NTRK3: variants seen among roughly 807,000 people sequenced by gnomAD.
The protein encoded by NTRK3 is neurotrophic receptor tyrosine kinase 3, also known as NT-3 growth factor receptor.
Under a neutral mutation model 91.7 loss-of-function variants are expected in NTRK3, and 24 were observed. That is an observed-to-expected ratio of 0.26 (90% CI 0.19 to 0.37). The LOEUF (loss-of-function observed/expected upper bound fraction) is 0.37. Among genes scored for constraint, NTRK3 ranks in the 10% least tolerant of loss-of-function variants. The probability of loss-of-function intolerance (pLI) is 1.00; values close to 1 mark genes in which losing one functional copy is unlikely to be tolerated. For synonymous variants in NTRK3, 483 were observed against 404.0 expected (o/e 1.20, Z -2.34); for missense variants, 880 against 1,068.9 (o/e 0.82, Z 2.46).
chr15:87,862,602 T>C (rs925985679), exon 19 of NTRK3: 2 of 226,758 alleles, frequency 8.8e-6, no homozygotes, highest in African/African-American at 4.4e-5. Context: ...TAGTTAAGAG[T>C]AGACAATGAT....
intron 14 of NTRK3, among the ~76,000 whole-genome samples, chr15:87,996,417 G>A (rs1268247519): frequency 1.3e-5 from 2 of 152,158 alleles, no homozygotes; most frequent in Non-Finnish European, 2.9e-5. Context: ...AGAACCAAGA[G>A]GATGGATGCC....
exon 19 of NTRK3, chr15:87,860,713 C>A (rs1040397079): frequency 1.4e-5 from 3 of 209,732 alleles, no homozygotes; most frequent in Non-Finnish European, 2.9e-5. Flanking sequence ...TCTACTAAAA[C>A]CTCAGTCACT....
chr15:87,936,541 C>CT lies in NTRK3; in HGVS notation c.1717-3358dup, dbSNP rs11295279. Among the ~76,000 whole-genome samples, 304 of 139,716 alleles carry CT rather than the reference C, an allele frequency of 2.2e-3. 1 individual carries two copies. The highest frequency in any genetic ancestry group is 2.7e-3 in the Admixed American group (38 of 13,960). 91.7% of individuals were successfully genotyped at this position (139,716 alleles called of 152,430 possible). On this transcript the variant is annotated intron_variant, in intron 15 of 18. Transcript: ENST00000394480. ...ACCCTGCTGCCCTCCATCTTACTTT[C>CT]TTTTTTTTTTTTTTTAGGGGGAGAT...
At chr15:88,125,619 C>T (rs2053204106) in intron 13 of NTRK3, among the ~76,000 whole-genome samples, 1 of 152,242 alleles carries the variant, frequency 6.6e-6, no homozygotes, top group Non-Finnish European at 1.5e-5. Context: ...CAGGTGGATG[C>T]TAATTCACCA....
At chr15:87,919,249 T>C (rs2067676146) in intron 17 of NTRK3, among the ~76,000 whole-genome samples, 1 of 152,172 alleles carries the variant, frequency 6.6e-6, no homozygotes, top group African/African-American at 2.4e-5. Context: ...CTTCTACTCC[T>C]GCATTCTAGT....
chr15:87,886,731 CACAT>C (rs1198572875), intron 17 of NTRK3, among the ~76,000 whole-genome samples: 3 of 139,356 alleles, frequency 2.2e-5, no homozygotes, highest in Non-Finnish European at 4.5e-5. Flanking sequence ...TACACACACA[CACAT>C]AAACACACAC....
At chr15:88,091,596 A>G (rs1032111045) in intron 13 of NTRK3, among the ~76,000 whole-genome samples, 10 of 152,200 alleles carry the variant, frequency 6.6e-5, no homozygotes, top group African/African-American at 2.4e-4. Context: ...TGAATTAGTG[A>G]TATCTGCCAT....
intron 13 of NTRK3, among the ~76,000 whole-genome samples, chr15:88,075,783 T>C (rs1226887671): frequency 6.6e-6 from 1 of 152,184 alleles, no homozygotes; most frequent in Non-Finnish European, 1.5e-5. Context: ...TGAGCACCAC[T>C]TGGTGGGGGC....
At chr15:88,203,850 A>T (rs551938335) in intron 3 of NTRK3, among the ~76,000 whole-genome samples, 75 of 152,028 alleles carry the variant, frequency 4.9e-4, no homozygotes, top group African/African-American at 6.8e-4. Context: ...TAATTTTTTT[A>T]AAAAAAAGCA....
At chr15:88,135,203 G>C in exon 10 of NTRK3, 1 of 1,614,256 alleles carries the variant, frequency 6.2e-7, no homozygotes, top group Non-Finnish European at 8.5e-7. Context: ...TAGTGGGTGG[G>C]CTTGTTGAAG....
At chr15:88,125,726 T>G (rs890823188) in intron 13 of NTRK3, among the ~76,000 whole-genome samples, 6 of 152,268 alleles carry the variant, frequency 3.9e-5, no homozygotes, top group African/African-American at 1.2e-4. Flanking sequence ...GCACTGTATG[T>G]CATGGAAGCC....
At chr15:87,870,181 TACACACACACACACACAC>T (rs58874538) in exon 19 of NTRK3, 1 of 165,508 alleles carries the variant, frequency 6.0e-6, no homozygotes, top group East Asian at 1.0e-4. Flanking sequence ...GAAACTGTGG[TACACACACACACACACAC>T]ACACACACAC....
exon 19 of NTRK3, chr15:87,871,525 T>C (rs1169595922): frequency 4.3e-6 from 1 of 230,388 alleles, no homozygotes; most frequent in Non-Finnish European, 8.6e-6. Flanking sequence ...TAAGATGTGA[T>C]AGAAATGACT....
chr15:88,189,162 GC>G (rs1168411940), intron 3 of NTRK3, among the ~76,000 whole-genome samples: 3 of 152,168 alleles, frequency 2.0e-5, no homozygotes, highest in Admixed American at 6.5e-5. Context: ...TCATGATGCT[GC>G]CAGGTGGGCT....
At chr15:87,918,564 G>T (rs1383879259) in intron 17 of NTRK3, among the ~76,000 whole-genome samples, 2 of 152,152 alleles carry the variant, frequency 1.3e-5, no homozygotes, top group African/African-American at 4.8e-5. Flanking sequence ...CAAGACCCAT[G>T]CCATTCCTCT....
chr15:88,057,200 G>A (rs1217590513), intron 13 of NTRK3, among the ~76,000 whole-genome samples: 1 of 148,814 alleles, frequency 6.7e-6, no homozygotes, highest in East Asian at 2.0e-4. Context: ...AAGAAAAAAA[G>A]AAATGTGTCC....
At chr15:88,238,900 A>G (rs2052050906) in intron 3 of NTRK3, among the ~76,000 whole-genome samples, 1 of 152,206 alleles carries the variant, frequency 6.6e-6, no homozygotes, top group African/African-American at 2.4e-5. Flanking sequence ...TGGAATCCTC[A>G]CTGTTATTTA....
chr15:87,948,139 C>T (rs923694161), intron 14 of NTRK3, among the ~76,000 whole-genome samples: 1 of 152,244 alleles, frequency 6.6e-6, no homozygotes, highest in African/African-American at 2.4e-5. Context: ...AACATGTGCC[C>T]TGGCCAGCTA....
chr15:87,977,741 C>A (rs947626078), intron 14 of NTRK3: 29 of 231,486 alleles, frequency 1.3e-4, no homozygotes, highest in Admixed American at 3.9e-4. Flanking sequence ...CTGGAGGCTG[C>A]CCCAGATACT....
Sources: gnomAD v4.1 joint callset for allele counts (sites outside exome capture counted in the v4.1 genomes callset) on GRCh38, gnomAD v4.1.1 for gene constraint, MANE v1.5 for transcripts, NCBI Gene and HGNC (gene_info 2026-07-23, HGNC 2026-07-21) for gene names.